The following CARMIL1 variants were observed in gnomAD, a reference collection of about 807,000 sequenced individuals.
CARMIL1 encodes the protein F-actin-uncapping protein LRRC16A.
CARMIL1 carries 90 observed loss-of-function variants against 177.1 expected under a neutral mutation model. The observed-to-expected ratio is 0.51, with a 90% CI of 0.43 to 0.61. The LOEUF (loss-of-function observed/expected upper bound fraction) is 0.61. Ranked by LOEUF, CARMIL1 falls within the 20% of genes least tolerant of loss-of-function variation. The probability of loss-of-function intolerance (pLI) is 0.00; values close to 1 mark genes in which losing one functional copy is unlikely to be tolerated. For missense variants in CARMIL1, 1,380 were observed against 1,667.0 expected (o/e 0.83, Z 3.00); for synonymous variants, 577 against 606.2 (o/e 0.95, Z 0.71).
intron 8 of CARMIL1, chr6:25,452,041 C>T: frequency 2.1e-6 from 1 of 486,728 alleles, no homozygotes; most frequent in Non-Finnish European, 4.0e-6. Context: ...ACCTACCTGG[C>T]AGGAAATCCA....
chr6:25,362,117 T>C (rs545709800), intron 2 of CARMIL1, among the ~76,000 whole-genome samples: 1 of 152,322 alleles, frequency 6.6e-6, no homozygotes, highest in South Asian at 2.1e-4. Context: ...ATCAGCTTGT[T>C]AACTGCTGTT....
intron 26 of CARMIL1, among the ~76,000 whole-genome samples, chr6:25,548,967 T>TA (rs1809794111): frequency 6.6e-6 from 1 of 152,182 alleles, no homozygotes; most frequent in Admixed American, 6.5e-5. Context: ...AAGTTACTTT[T>TA]AAAGTGCTGT....
Position 25,528,888 on chromosome 6 carries a change from C to A in CARMIL1, c.2062C>A (p.Gln688Lys). Residue 688 changes from glutamine to lysine, a missense_variant, in exon 24 of 37, where the codon CAG becomes AAG. By Grantham distance (53) the Gln-to-Lys change is moderately conservative (BLOSUM62 1). Transcript: ENST00000329474. ...LQQGIVTSTT[Q>K]QMIDRICVKV... Reference sequence around the variant, plus strand: ...GCAGGGTATTGTCACCAGCACCACCCAGCAGGTAAGCGAGCCAGTGCCTGT... The same window carrying A: ...GCAGGGTATTGTCACCAGCACCACCAAGCAGGTAAGCGAGCCAGTGCCTGT... 6.2e-7 allele frequency: 1 copy of A among 1,607,188 alleles called. No individual in the cohort carries two copies. The highest frequency in any genetic ancestry group is 8.5e-7 in the Non-Finnish European group (1 of 1,176,794).
In CARMIL1 at chr6:25,600,716, G is replaced by A. The variant is rs201485059; in HGVS notation, c.3522G>A (p.Lys1174=). The change falls in exon 33 of 37, where the codon AAG becomes AAA. Residue 1174 remains lysine (K), a synonymous_variant. Transcript: ENST00000329474. ...GTCTGCTGGCAGAGATGAAAGCCAAGCAAGAGAAGAGAGCTGCGTGTGCGC... is the reference window on the plus strand; with the variant it reads ...GTCTGCTGGCAGAGATGAAAGCCAAACAAGAGAAGAGAGCTGCGTGTGCGC... ...GSGLLAEMKA[K]QEKRAACAQK... is the part of the protein sequence containing the mutation. 102 of 1,565,434 alleles carry A rather than the reference G, an allele frequency of 6.5e-5. No homozygotes were observed. Among genetic ancestry groups the A allele is most frequent in the Non-Finnish European group, 2.8e-5 (33 of 1,158,518 alleles).
At chr6:25,531,503 T>A (rs879653763) in intron 24 of CARMIL1, among the ~76,000 whole-genome samples, 19 of 152,166 alleles carry the variant, frequency 1.2e-4, no homozygotes, top group Non-Finnish European at 2.8e-4. Flanking sequence ...CTCAGTATGG[T>A]TTGAATGTTT....
At chr6:25,463,712 G>A (rs1176934619) in intron 8 of CARMIL1, among the ~76,000 whole-genome samples, 1 of 152,108 alleles carries the variant, frequency 6.6e-6, no homozygotes, top group Admixed American at 6.5e-5. Flanking sequence ...CTGTAATTAG[G>A]CAATAGGAAG....
chr6:25,573,429 A>G (rs1812289130), intron 29 of CARMIL1, among the ~76,000 whole-genome samples: 2 of 151,960 alleles, frequency 1.3e-5, no homozygotes, highest in South Asian at 4.2e-4. Flanking sequence ...CTCATTTTTA[A>G]AAGTAAATAT....
chr6:25,445,535 TC>T (rs1319296799), intron 5 of CARMIL1, among the ~76,000 whole-genome samples: 9 of 149,994 alleles, frequency 6.0e-5, no homozygotes, highest in African/African-American at 1.2e-4. Flanking sequence ...AAAATATATT[TC>T]TTTTTTTTTT....
At chr6:25,601,380 C>T (rs1344739531) in intron 33 of CARMIL1, among the ~76,000 whole-genome samples, 4 of 152,160 alleles carry the variant, frequency 2.6e-5, no homozygotes, top group South Asian at 2.1e-4. Context: ...AGAGATGTTC[C>T]GGGGCCAGGT....
At chr6:25,393,623 C>G (rs1440227774) in intron 2 of CARMIL1, 1 of 151,456 alleles carries the variant, frequency 6.6e-6, no homozygotes, top group Non-Finnish European at 1.5e-5. Context: ...CCTGTACTCC[C>G]AGCATTTTGG....
intron 2 of CARMIL1, among the ~76,000 whole-genome samples, chr6:25,297,044 T>C (rs78640674): frequency 0.028 from 4,258 of 152,330 alleles, 72 homozygotes; most frequent in Non-Finnish European, 0.038. Context: ...CCTCCTATCT[T>C]GGCCTCCTGA....
intron 24 of CARMIL1, among the ~76,000 whole-genome samples, chr6:25,532,634 A>G (rs1352775178): frequency 1.3e-5 from 2 of 152,216 alleles, no homozygotes; most frequent in African/African-American, 4.8e-5. Flanking sequence ...AGGTGACACC[A>G]AAGGCATTAA....
At chr6:25,451,748 G>A (rs1040025129) in intron 8 of CARMIL1, among the ~76,000 whole-genome samples, 1 of 152,024 alleles carries the variant, frequency 6.6e-6, no homozygotes, top group Non-Finnish European at 1.5e-5. Context: ...CTACTTATTA[G>A]TAGCAGGGGT....
At chr6:25,560,323 G>A (rs1382332252) in intron 29 of CARMIL1, among the ~76,000 whole-genome samples, 1 of 151,936 alleles carries the variant, frequency 6.6e-6, no homozygotes, top group Admixed American at 6.6e-5. Flanking sequence ...CAGGTGGTAG[G>A]ACACAGTGGG....
chr6:25,324,719 C>T (rs1348872438), intron 2 of CARMIL1, among the ~76,000 whole-genome samples: 1 of 151,996 alleles, frequency 6.6e-6, no homozygotes, highest in African/African-American at 2.4e-5. Context: ...ATATGGTAGT[C>T]ATAAGAGCTG....
At chr6:25,383,158 C>T (rs189817303) in intron 2 of CARMIL1, among the ~76,000 whole-genome samples, 115 of 152,134 alleles carry the variant, frequency 7.6e-4, no homozygotes, top group African/African-American at 2.7e-3. Flanking sequence ...TTAAATGTCA[C>T]AGTGTCACAG....
At chr6:25,556,485 G>C (rs577783990) in intron 28 of CARMIL1, among the ~76,000 whole-genome samples, 1 of 152,278 alleles carries the variant, frequency 6.6e-6, no homozygotes, top group African/African-American at 2.4e-5. Context: ...CATTTACTAA[G>C]AGATTTATAA....
chr6:25,561,018 A>C (rs1811062931), intron 29 of CARMIL1, among the ~76,000 whole-genome samples: 1 of 152,170 alleles, frequency 6.6e-6, no homozygotes, highest in Admixed American at 6.5e-5. Context: ...ACAATGATTA[A>C]TTAGTTTTCC....
At chr6:25,341,260 T>G (rs1020537340) in intron 2 of CARMIL1, among the ~76,000 whole-genome samples, 3 of 152,166 alleles carry the variant, frequency 2.0e-5, no homozygotes, top group Non-Finnish European at 2.9e-5. Flanking sequence ...CAGAGAGATC[T>G]GAGACTTGCA....
Sources: gnomAD v4.1 joint callset for allele counts (sites outside exome capture counted in the v4.1 genomes callset) on GRCh38, gnomAD v4.1.1 for gene constraint, MANE v1.5 for transcripts, NCBI Gene and HGNC (gene_info 2026-07-23, HGNC 2026-07-21) for gene names.